The following ARFGEF1 variants were observed in gnomAD, a reference collection of about 807,000 sequenced individuals.
ARFGEF1 encodes the protein brefeldin A-inhibited guanine nucleotide-exchange protein 1.
ARFGEF1 carries 42 observed loss-of-function variants against 231.0 expected under a neutral mutation model. That is an observed-to-expected ratio of 0.18 (90% CI 0.14 to 0.24). ARFGEF1 has a LOEUF of 0.24. ARFGEF1 is among the 10% of genes least tolerant of loss of function. ARFGEF1 has a pLI of 1.00. For missense variants in ARFGEF1, 1,345 were observed against 2,192.0 expected (o/e 0.61, Z 7.72); for synonymous variants, 710 against 732.3 (o/e 0.97, Z 0.49).
intron 22 of ARFGEF1, among the ~76,000 whole-genome samples, chr8:67,238,031 C>T (rs1242202359): frequency 1.3e-5 from 2 of 152,106 alleles, no homozygotes; most frequent in African/African-American, 4.8e-5. Flanking sequence ...TCTCCAGTTG[C>T]CCCAACTATT....
chr8:67,333,161 G>A (rs953203262), intron 1 of ARFGEF1, among the ~76,000 whole-genome samples: 1 of 151,280 alleles, frequency 6.6e-6, no homozygotes, highest in Non-Finnish European at 1.5e-5. Flanking sequence ...TCAGCCGCCC[G>A]AGCAGCTGGA....
intron 1 of ARFGEF1, among the ~76,000 whole-genome samples, chr8:67,312,135 A>G (rs1281755978): frequency 6.6e-6 from 1 of 151,970 alleles, no homozygotes; most frequent in African/African-American, 2.4e-5. Flanking sequence ...GGAAAACCAG[A>G]GACCTCTGTT....
intron 19 of ARFGEF1, among the ~76,000 whole-genome samples, chr8:67,242,909 G>A (rs1052828345): frequency 2.6e-5 from 4 of 152,186 alleles, no homozygotes; most frequent in Non-Finnish European, 5.9e-5. Context: ...GGTGGTGATG[G>A]CCACGGGCTA....
intron 22 of ARFGEF1, among the ~76,000 whole-genome samples, chr8:67,236,376 AT>A (rs1839765329): frequency 2.2e-5 from 1 of 45,794 alleles, no homozygotes. Flanking sequence ...ATATATATAT[AT>A]ATATATATAT....
At chr8:67,246,871 C>A (rs1459498371) in intron 19 of ARFGEF1, among the ~76,000 whole-genome samples, 1 of 149,824 alleles carries the variant, frequency 6.7e-6, no homozygotes, top group Non-Finnish European at 1.5e-5. Context: ...GAAAAAAAGA[C>A]CGAAGACACA....
intron 34 of ARFGEF1, among the ~76,000 whole-genome samples, chr8:67,210,551 C>T (rs571446023): frequency 1.3e-5 from 2 of 152,196 alleles, no homozygotes; most frequent in South Asian, 4.1e-4. Flanking sequence ...CACTACTTCC[C>T]GTTGCAGATG....
chr8:67,296,662 T>C (rs746329502), intron 4 of ARFGEF1, 52 bp from the exon 5 acceptor site: 233 of 1,443,088 alleles, frequency 1.6e-4, no homozygotes, highest in Non-Finnish European at 2.1e-4. Context: ...TTCTTTTTTT[T>C]TTTGGAGACA....
At chr8:67,218,720 C>T (rs1036773674) in intron 30 of ARFGEF1, among the ~76,000 whole-genome samples, 1 of 151,604 alleles carries the variant, frequency 6.6e-6, no homozygotes, top group Non-Finnish European at 1.5e-5. Flanking sequence ...AAATATGAAG[C>T]TCTCTTGACA....
chr8:67,250,778 T>C (rs921017877), intron 19 of ARFGEF1, among the ~76,000 whole-genome samples: 9 of 152,230 alleles, frequency 5.9e-5, no homozygotes, highest in Admixed American at 2.0e-4. Flanking sequence ...GGAGAAAGGA[T>C]AGAGAATGAA....
intron 20 of ARFGEF1, 82 bp from the exon 21 acceptor site, chr8:67,238,975 T>C: frequency 9.0e-7 from 1 of 1,116,798 alleles, no homozygotes. Context: ...TCTGTTTACT[T>C]GTTCAGTAAG....
intron 1 of ARFGEF1, among the ~76,000 whole-genome samples, chr8:67,315,556 T>A (rs890396378): frequency 1.3e-5 from 2 of 152,146 alleles, no homozygotes; most frequent in Admixed American, 1.3e-4. Flanking sequence ...GTTCTTTTTT[T>A]CCGAGTAAAG....
chr8:67,192,832 A>G (rs1174773401), downstream of ARFGEF1, among the ~76,000 whole-genome samples: 1 of 152,168 alleles, frequency 6.6e-6, no homozygotes, highest in Non-Finnish European at 1.5e-5. Flanking sequence ...ATTCTTCTTA[A>G]TCTTCCATTG....
intron 33 of ARFGEF1, among the ~76,000 whole-genome samples, chr8:67,215,753 C>T (rs1838906160): frequency 6.6e-6 from 1 of 152,172 alleles, no homozygotes; most frequent in Admixed American, 6.5e-5. Flanking sequence ...ATTTAGGACC[C>T]ATGGTCTTTA....
At chr8:67,303,711 C>A (rs1806606560) in intron 1 of ARFGEF1, among the ~76,000 whole-genome samples, 1 of 148,170 alleles carries the variant, frequency 6.7e-6, no homozygotes, top group Non-Finnish European at 1.5e-5. Flanking sequence ...GAGACTCCAT[C>A]TCTTAAAAAA....
chr8:67,175,142 A>G (rs769550098), downstream of ARFGEF1: 132 of 638,320 alleles, frequency 2.1e-4, no homozygotes, highest in Non-Finnish European at 3.3e-4. Context: ...TTTTGTGGCT[A>G]TTTTACTGTC....
intron 7 of ARFGEF1, among the ~76,000 whole-genome samples, chr8:67,287,552 C>A (rs146744830): frequency 3.9e-5 from 6 of 152,140 alleles, no homozygotes; most frequent in Non-Finnish European, 8.8e-5. Context: ...TGAAGGCCTC[C>A]GACACACTTT....
At chr8:67,187,192 GTTA>G (rs1428510151) in intron 5 of ARFGEF1, among the ~76,000 whole-genome samples, 1 of 152,138 alleles carries the variant, frequency 6.6e-6, no homozygotes, top group Non-Finnish European at 1.5e-5. Flanking sequence ...ATCCCAGCAA[GTTA>G]TTATGTGGAT....
chr8:67,266,822 A>G (rs1309791749), intron 13 of ARFGEF1, 54 bp downstream of exon 13: 9 of 1,426,870 alleles, frequency 6.3e-6, no homozygotes, highest in African/African-American at 4.3e-5. Flanking sequence ...ACTATCCTCC[A>G]AAGTATTATT....
chr8:67,286,384 T>C (rs1429430913), intron 7 of ARFGEF1, among the ~76,000 whole-genome samples: 5 of 152,224 alleles, frequency 3.3e-5, no homozygotes, highest in African/African-American at 1.2e-4. Context: ...AACTTTCACT[T>C]CAGACTCTGT....
Sources: gnomAD v4.1 joint callset for allele counts (sites outside exome capture counted in the v4.1 genomes callset) on GRCh38, gnomAD v4.1.1 for gene constraint, MANE v1.5 for transcripts, NCBI Gene and HGNC (gene_info 2026-07-23, HGNC 2026-07-21) for gene names.